The following CCDC33 variants were observed in gnomAD, a reference collection of about 807,000 sequenced individuals.
The protein encoded by CCDC33 is coiled-coil domain containing 33, also known as coiled-coil domain-containing protein 33.
A neutral mutation model predicts 91.9 loss-of-function variants in CCDC33; 94 were observed. That is an observed-to-expected ratio of 1.02 (90% CI 0.87 to 1.21). The LOEUF (loss-of-function observed/expected upper bound fraction) is 1.21. CCDC33 is among the 50% of genes most tolerant of loss of function. The probability of loss-of-function intolerance (pLI) is 0.00; values close to 1 mark genes in which losing one functional copy is unlikely to be tolerated. For synonymous variants in CCDC33, 396 were observed against 374.5 expected (o/e 1.06, Z -0.66); for missense variants, 940 against 935.5 (o/e 1.00, Z -0.06).
At chr15:74,215,873 C>G (rs4887116), upstream of CCDC33, among the ~76,000 whole-genome samples, 1 of 134,900 alleles carries the variant, frequency 7.4e-6, no homozygotes, top group Admixed American at 7.4e-5. Context: ...CTCGATCTCA[C>G]CAAAAAAAAA....
chr15:74,330,074 C>A, intron 11 of CCDC33, 115 bp from the exon 12 acceptor site: 1 of 1,226,552 alleles, frequency 8.2e-7, no homozygotes, highest in Non-Finnish European at 1.1e-6. Flanking sequence ...TGGCTTGGGG[C>A]TCCTGGTGCT....
chr15:74,318,078 T>C (rs2060128254), intron 11 of CCDC33, among the ~76,000 whole-genome samples: 1 of 122,914 alleles, frequency 8.1e-6, no homozygotes, highest in Admixed American at 1.0e-4. Context: ...GCCCAGCTTG[T>C]GCTGCTGCGG....
intron 11 of CCDC33, among the ~76,000 whole-genome samples, chr15:74,324,151 A>G (rs2060261649): frequency 6.7e-6 from 1 of 150,190 alleles, no homozygotes; most frequent in South Asian, 2.1e-4. Context: ...GCTTCTTTAT[A>G]CTGTCGCTAC....
intron 1 of CCDC33, chr15:74,217,694 C>G: frequency 1.2e-6 from 1 of 832,316 alleles, no homozygotes; most frequent in Non-Finnish European, 1.6e-6. Flanking sequence ...GGTCAGAGCT[C>G]CAGACTGCAT....
At position 74,332,690 on chromosome 15, in the gene CCDC33, C is replaced by G. The variant is rs756342576; in HGVS notation, c.1783C>G (p.Leu595Val). 2 of 1,614,120 alleles carry G rather than the reference C, an allele frequency of 1.2e-6. No homozygotes were observed. The highest frequency in any genetic ancestry group is 1.1e-5 in the South Asian group (1 of 91,076). Residue 595 changes from leucine (L) to valine (V), a missense_variant, in exon 16 of 19, where the codon CTC becomes GTC. Physicochemically the swap from Leu to Val is conservative, Grantham distance 32. Coordinates refer to ENST00000398814, the MANE Select transcript of CCDC33 (RefSeq NM_025055.5). ...QGKPYTGFPMLSASGLPLGSM... is the reference protein window; with the variant it reads ...QGKPYTGFPMVSASGLPLGSM... ...GGCCGTGTCTCTAGGCTTCCCTATGCTCTCAGCCTCTGGCCTTCCCTTGGG... is the reference window on the plus strand; with the variant it reads ...GGCCGTGTCTCTAGGCTTCCCTATGGTCTCAGCCTCTGGCCTTCCCTTGGG...
chr15:74,308,514 T>G (rs1474826729), intron 11 of CCDC33, among the ~76,000 whole-genome samples: 1 of 151,830 alleles, frequency 6.6e-6, no homozygotes. Context: ...TAGGGCGGAG[T>G]CGAGGGGGCG....
At chr15:74,217,346 G>A (rs1291307932) in exon 1 of CCDC33, 15 of 1,290,016 alleles carry the variant, frequency 1.2e-5, no homozygotes, top group African/African-American at 9.1e-5. Context: ...AGGAGAAGAC[G>A]CTGGATCTGG....
chr15:74,210,413 A>G (rs1410828286), intron 2 of CCDC33, among the ~76,000 whole-genome samples: 1 of 152,234 alleles, frequency 6.6e-6, no homozygotes, highest in African/African-American at 2.4e-5. Context: ...AGTAACAGTA[A>G]CCAAGAAAGC....
rs1288693057 is a variant in CCDC33 at position 74,325,719 on chromosome 15, C to A, written c.1291-4470C>A. ...ATTTTACAATGAGTTTATAAGGACCCTAAGTAGCCACAGGTGTCATTGGAT... is the reference window on the plus strand; with the variant it reads ...ATTTTACAATGAGTTTATAAGGACCATAAGTAGCCACAGGTGTCATTGGAT... On this transcript the variant is annotated intron_variant, in intron 11 of 18. Transcript: ENST00000398814. 2.0e-5 allele frequency among the ~76,000 whole-genome samples: 3 copies of A among 152,182 alleles called. No homozygotes were observed. In the East Asian group the frequency reaches 5.8e-4, roughly 29 times the overall value.
Position 74,316,188 on chromosome 15 carries a change from G to A in CCDC33, c.1291-14001G>A, listed in dbSNP as rs1210152616. On this transcript the variant is annotated intron_variant, in intron 11 of 18. Coordinates refer to ENST00000398814, the MANE Select transcript of CCDC33 (RefSeq NM_025055.5). This position sits in a 1 kb window ranked among gnomAD's most constrained non-coding sequence, Gnocchi z 4.7. Reference sequence around the variant, plus strand: ...GCCCCTGGGGCCTCCCTGGCTTCATGGGGCAGGCTCAAGTCCCTCAAGGGC... The same window carrying A: ...GCCCCTGGGGCCTCCCTGGCTTCATAGGGCAGGCTCAAGTCCCTCAAGGGC... 1.3e-5 allele frequency among the ~76,000 whole-genome samples: 2 copies of A among 152,144 alleles called. No homozygotes were observed. The highest frequency in any genetic ancestry group is 4.8e-5 in the African/African-American group (2 of 41,434).
At chr15:74,318,955 C>CTA (rs375115142) in intron 11 of CCDC33, among the ~76,000 whole-genome samples, 1,962 of 152,274 alleles carry the variant, frequency 0.013, 48 homozygotes, top group African/African-American at 0.044. Flanking sequence ...CTAGTCTGGG[C>CTA]CCTACCTCTG....
chr15:74,303,426 A>AAT, intron 11 of CCDC33: 1 of 3,798 alleles, frequency 2.6e-4, no homozygotes, highest in Non-Finnish European at 1.8e-3. Context: ...AGACAGAGAC[A>AAT]GAGAGCAGAG....
chr15:74,271,054 A>T (rs760392960), intron 5 of CCDC33, among the ~76,000 whole-genome samples: 15 of 152,106 alleles, frequency 9.9e-5, no homozygotes, highest in Non-Finnish European at 1.9e-4. Context: ...TCCTGTTCCA[A>T]ACCAGTACTT....
intron 2 of CCDC33, among the ~76,000 whole-genome samples, chr15:74,221,015 G>A (rs375424946): frequency 2.0e-5 from 3 of 152,108 alleles, no homozygotes; most frequent in East Asian, 3.9e-4. Flanking sequence ...TCAAAGCTAC[G>A]GATGGATTTC....
intron 18 of CCDC33, chr15:74,335,301 C>T (rs970602131): frequency 1.6e-6 from 1 of 620,252 alleles, no homozygotes; most frequent in African/African-American, 1.8e-5. Context: ...AAAACCCCTG[C>T]CAAAACTACC....
At chr15:74,317,209 A>G (rs2060103330) in intron 11 of CCDC33, among the ~76,000 whole-genome samples, 1 of 152,154 alleles carries the variant, frequency 6.6e-6, no homozygotes, top group South Asian at 2.1e-4. Flanking sequence ...AAAATACAAG[A>G]AATTAGCCAG....
At chr15:74,249,828 G>A (rs2075650202) in intron 2 of CCDC33, among the ~76,000 whole-genome samples, 1 of 152,048 alleles carries the variant, frequency 6.6e-6, no homozygotes, top group Admixed American at 6.6e-5. Context: ...GGTTTGGACG[G>A]GTGAATTTGT....
At chr15:74,205,575 T>A (rs11638831) in intron 1 of CCDC33, among the ~76,000 whole-genome samples, 48,639 of 152,100 alleles carry the variant, frequency 0.32, 8,510 homozygotes, top group Middle Eastern at 0.46. Flanking sequence ...CAGGCCTCAC[T>A]TCCAACACTG....
At chr15:74,266,901 A>G (rs2076180523) in intron 4 of CCDC33, 114 bp downstream of exon 4, 2 of 708,942 alleles carry the variant, frequency 2.8e-6, no homozygotes, top group African/African-American at 1.8e-5. Context: ...CAGCATGACA[A>G]GTCTAGGACC....
Sources: gnomAD v4.1 joint callset for allele counts (sites outside exome capture counted in the v4.1 genomes callset) on GRCh38, gnomAD v4.1.1 for gene constraint, Gnocchi (gnomAD v3.1) non-coding constraint, MANE v1.5 for transcripts, NCBI Gene and HGNC (gene_info 2026-07-23, HGNC 2026-07-21) for gene names.